The following HERC3 variants were observed in gnomAD, a reference collection of about 807,000 sequenced individuals.
The protein encoded by HERC3 is probable E3 ubiquitin-protein ligase HERC3.
Under a neutral mutation model 129.9 loss-of-function variants are expected in HERC3, and 58 were observed. The observed-to-expected ratio is 0.45, with a 90% CI of 0.36 to 0.56. The LOEUF (loss-of-function observed/expected upper bound fraction) is 0.56. HERC3 is among the 20% of genes least tolerant of loss of function. HERC3 has a pLI of 0.00. For missense variants in HERC3, 835 were observed against 1,244.2 expected (o/e 0.67, Z 4.95); for synonymous variants, 430 against 451.0 (o/e 0.95, Z 0.59).
At chr4:88,608,514 G>A (rs1723921900) in intron 3 of HERC3, among the ~76,000 whole-genome samples, 1 of 152,192 alleles carries the variant, frequency 6.6e-6, no homozygotes, top group African/African-American at 2.4e-5. Flanking sequence ...TGAAAATTCA[G>A]TTGAAAATGC....
At chr4:88,572,609 G>T in the HERC3 span, among the ~76,000 whole-genome samples, 7 of 151,314 alleles carry the variant, frequency 4.6e-5, no homozygotes, top group South Asian at 1.5e-3. Context: ...AGGAGATTGA[G>T]ACCATCCTGG....
intron 21 of HERC3, 138 bp downstream of exon 21, chr4:88,681,463 T>C (rs1732767263): frequency 2.8e-6 from 2 of 709,994 alleles, no homozygotes; most frequent in Non-Finnish European, 4.6e-6. Context: ...GTGTTTTGTC[T>C]AAGATGTAGC....
intron 23 of HERC3, chr4:88,697,710 C>A: frequency 6.2e-7 from 1 of 1,612,098 alleles, no homozygotes. Context: ...CCGCTGCCGC[C>A]GCCTGGCTAG....
chr4:88,595,831 G>T (rs1376220517), intron 2 of HERC3, among the ~76,000 whole-genome samples: 3 of 141,454 alleles, frequency 2.1e-5, no homozygotes, highest in Admixed American at 7.1e-5. Context: ...TCTGCTTCAA[G>T]CACTTAATTC....
At chr4:88,637,753 G>A (rs191303347) in intron 3 of HERC3, among the ~76,000 whole-genome samples, 163 of 152,038 alleles carry the variant, frequency 1.1e-3, no homozygotes, top group African/African-American at 2.9e-3. Flanking sequence ...AGATCAGAGC[G>A]GAACTGAAGG....
At position 88,612,912 on chromosome 4, in the gene HERC3, G is replaced by C. The variant is rs548295526; in HGVS notation, c.226+6863G>C. ...AATCTTGAGCTCTTTTATTAAACTA[G>C]AGACTGGTTGTCCATAGAAAGGATT... On this transcript the variant is annotated intron_variant, in intron 3 of 25. Transcript: ENST00000402738. Among the ~76,000 whole-genome samples the C allele has an allele frequency of 2.1e-4, 32 of 152,066 alleles. No individual in the cohort carries two copies. In the South Asian group the frequency reaches 2.3e-3, roughly 11 times the overall value.
At position 88,661,932 on chromosome 4, in the gene HERC3, G is replaced by A. The variant is rs551179570; in HGVS notation, c.1147-499G>A. ...AAACCTGCTGTTACAGTGATTCAAA[G>A]CAAAGGGGAAAGAAGTCTGGGAAAG... On this transcript the variant is annotated intron_variant, in intron 10 of 25. Transcript: ENST00000402738. Among the ~76,000 whole-genome samples, 19 of 152,284 alleles carry A rather than the reference G, an allele frequency of 1.2e-4. No homozygotes were observed. The South Asian group carries it at 3.9e-3, about 32-fold the overall frequency.
chr4:88,678,595 A>C (rs1732415605), intron 19 of HERC3, among the ~76,000 whole-genome samples: 1 of 152,206 alleles, frequency 6.6e-6, no homozygotes. Context: ...TTAAGTGAAA[A>C]AAAATTTCTC....
At chr4:88,590,834 A>G (rs959441144), upstream of HERC3, among the ~76,000 whole-genome samples, 6 of 151,840 alleles carry the variant, frequency 4.0e-5, no homozygotes, top group African/African-American at 7.3e-5. Flanking sequence ...TATCTGGAAT[A>G]TAAGTGAATT....
At chr4:88,579,141 G>T in the HERC3 span, among the ~76,000 whole-genome samples, 1 of 151,828 alleles carries the variant, frequency 6.6e-6, no homozygotes. Flanking sequence ...CCAGCACTTT[G>T]GGAGGCCAAG....
rs530750060 is a variant in HERC3, at chr4:88,605,985, A to G, written c.162A>G (p.Glu54=). ...CTGTGTTCCTGCTGGAAGATGGGGAAGTTTACACATGTGGTTTGAACACCA... is the reference window on the plus strand; with the variant it reads ...CTGTGTTCCTGCTGGAAGATGGGGAGGTTTACACATGTGGTTTGAACACCA... ...NHSVFLLEDG[E]VYTCGLNTKG... is the part of the protein sequence containing the mutation. The change falls in exon 3 of 26, where the codon GAA becomes GAG. Residue 54 remains glutamate, a synonymous_variant. Coordinates refer to ENST00000402738, the MANE Select transcript of HERC3 (RefSeq NM_014606.3). The G allele has an allele frequency of 6.2e-6, 10 of 1,614,144 alleles. No homozygotes were observed. The highest frequency in any genetic ancestry group is 1.6e-4 in the Middle Eastern group (1 of 6,062).
chr4:88,557,644 AG>A, the HERC3 span, among the ~76,000 whole-genome samples: 1 of 152,250 alleles, frequency 6.6e-6, no homozygotes, highest in Non-Finnish European at 1.5e-5. Context: ...GTCCAGCTCT[AG>A]CAAAGCATCC....
chr4:88,638,150 T>C lies in HERC3; in HGVS notation c.227-11690T>C, dbSNP rs150432985. ...AGACCAGAGAGATTCACAGCTGAAT[T>C]CTACCAGAGGTACAAAGAGGAGCTG... On this transcript the variant is annotated intron_variant, in intron 3 of 25. Transcript: ENST00000402738. 9.4e-3 allele frequency among the ~76,000 whole-genome samples: 1,439 copies of C among 152,322 alleles called. 20 individuals are homozygous for C. Among genetic ancestry groups the C allele is most frequent in the African/African-American group, 0.032 (1,342 of 41,564 alleles).
chr4:88,654,385 T>TATATAC (rs1352694459), intron 7 of HERC3, among the ~76,000 whole-genome samples: 2 of 104,350 alleles, frequency 1.9e-5, no homozygotes, highest in African/African-American at 6.3e-5. Context: ...TATATATATA[T>TATATAC]ATACACACAC....
At chr4:88,664,100 C>T in intron 11 of HERC3, 53 bp from the exon 12 acceptor site, 1 of 1,452,480 alleles carries the variant, frequency 6.9e-7, no homozygotes, top group Non-Finnish European at 9.5e-7. Context: ...GCTTAAATAA[C>T]CATTTATTTG....
At chr4:88,588,821 G>A (rs115161093), upstream of HERC3, among the ~76,000 whole-genome samples, 3,010 of 152,334 alleles carry the variant, frequency 0.02, 94 homozygotes, top group African/African-American at 0.068. Flanking sequence ...GAGGAAATCA[G>A]CATGTGTTCA....
rs75327348 is a variant in HERC3 at position 88,661,379 on chromosome 4, A to C, written c.1147-1052A>C. On this transcript the variant is annotated intron_variant, in intron 10 of 25. Coordinates refer to ENST00000402738, the MANE Select transcript of HERC3 (RefSeq NM_014606.3). ...GCATCTCTGTTTTATTACATGCTCT[A>C]CTCCTTCCTACCATAATGATACGTT... Among the ~76,000 whole-genome samples the C allele has an allele frequency of 7.1e-3, 1,082 of 152,280 alleles. 13 individuals carry two copies. Among genetic ancestry groups the C allele is most frequent in the African/African-American group, 0.025 (1,026 of 41,542 alleles).
At chr4:88,593,822 G>A (rs1268940890) in intron 1 of HERC3, among the ~76,000 whole-genome samples, 1 of 152,164 alleles carries the variant, frequency 6.6e-6, no homozygotes, top group African/African-American at 2.4e-5. Context: ...TGCGGTGATC[G>A]GGTATCATGT....
chr4:88,707,915 T>C lies in HERC3; in HGVS notation c.*955T>C, dbSNP rs2602117. The C allele has an allele frequency of 0.46, 70,530 of 152,462 alleles. 19,739 individuals are homozygous for C. Among genetic ancestry groups the C allele is most frequent in the African/African-American group, 0.78 (32,360 of 41,434 alleles). 9.4% of individuals were successfully genotyped at this position (152,462 alleles called of 1,614,324 possible). On this transcript the variant is annotated 3_prime_UTR_variant, in exon 26 of 26. Coordinates refer to ENST00000402738, the MANE Select transcript of HERC3 (RefSeq NM_014606.3). ...CTTATTTTCTCCTTTTCGTACCCTG[T>C]GTCCTCCCTGATTTTCCTTTCGTTT...
Sources: allele counts gnomAD v4.1 joint callset (sites outside exome capture counted in the v4.1 genomes callset), GRCh38; gene constraint gnomAD v4.1.1; transcripts MANE v1.5; gene names NCBI Gene and HGNC (gene_info 2026-07-23, HGNC 2026-07-21).